The following PHF3 variants were observed in gnomAD, a reference collection of about 807,000 sequenced individuals.
PHF3 encodes PHD finger protein 3.
A neutral mutation model predicts 178.4 loss-of-function variants in PHF3; 41 were observed. The observed-to-expected ratio is 0.23, with a 90% CI of 0.18 to 0.30. PHF3 has a LOEUF of 0.30. PHF3 is among the 10% of genes least tolerant of loss of function. PHF3 has a pLI of 1.00. For synonymous variants in PHF3, 842 were observed against 800.5 expected, an observed-to-expected ratio of 1.05 and a Z score of -0.88; for missense variants, 2,346 against 2,398.1, an observed-to-expected ratio of 0.98 and a Z score of 0.45.
In PHF3 at chr6:63,680,599, T is replaced by G. The variant is rs901862021; in HGVS notation, c.406+438T>G. Among the ~76,000 whole-genome samples, 5 of 151,164 alleles carry G rather than the reference T, an allele frequency of 3.3e-5. No homozygotes were observed. The East Asian group carries it at 9.6e-4, about 29-fold the overall frequency. Reference sequence around the variant, plus strand: ...TTATGTTAGTATGAGTAATATGCTATTAGAGATGATACATTTAATAAACTA... The same window carrying G: ...TTATGTTAGTATGAGTAATATGCTAGTAGAGATGATACATTTAATAAACTA... On this transcript the variant is annotated intron_variant, in intron 3 of 15. Transcript: ENST00000262043.
Position 63,723,788 on chromosome 6 carries a change from CATTATTATT to C in PHF3, c.*10120_*10128del, listed in dbSNP as rs57873412. On this transcript the variant is annotated 3_prime_UTR_variant, in exon 16 of 16. Transcript: ENST00000262043. ...GTTATGGGTCATAAGTACACATTGG[CATTATTATT>C]ATTATTATTATTATTATTATTATTA... Among the ~76,000 whole-genome samples, 24,698 of 138,052 alleles carry C rather than the reference CATTATTATT, an allele frequency of 0.18. 2,285 individuals are homozygous for C. The highest frequency in any genetic ancestry group is 0.26 in the South Asian group (1,065 of 4,094). 90.6% of individuals were successfully genotyped at this position (138,052 alleles called of 152,430 possible).
intron 4 of PHF3, among the ~76,000 whole-genome samples, chr6:63,686,616 C>T (rs1458894550): frequency 6.6e-6 from 1 of 152,042 alleles, no homozygotes; most frequent in Non-Finnish European, 1.5e-5. Context: ...CCCTCAATCC[C>T]CAATGTGTTT....
intron 2 of PHF3, among the ~76,000 whole-genome samples, chr6:63,657,587 T>C (rs1223026253): frequency 1.3e-5 from 2 of 150,754 alleles, no homozygotes; most frequent in Non-Finnish European, 2.9e-5. Flanking sequence ...AAAAAAGTCT[T>C]CATCTTCATC....
At chr6:63,659,513 T>C (rs1765377576) in intron 2 of PHF3, among the ~76,000 whole-genome samples, 1 of 152,182 alleles carries the variant, frequency 6.6e-6, no homozygotes, top group Non-Finnish European at 1.5e-5. Flanking sequence ...TGTGTGGATG[T>C]TAATGTACCA....
chr6:63,638,731 T>C (rs1408751154), intron 1 of PHF3, among the ~76,000 whole-genome samples: 1 of 152,142 alleles, frequency 6.6e-6, no homozygotes. Context: ...TCTGTTTCTC[T>C]TATTTCTTCT....
Position 63,658,791 on chromosome 6 carries a change from T to C in PHF3, c.244+11996T>C, listed in dbSNP as rs189551578. ...AGAGAGAGAGGGAGAGATTGATTGA[T>C]TGATTTTAAGGAGTTGGCTTATGTG... On this transcript the variant is annotated intron_variant, in intron 2 of 15. Coordinates refer to ENST00000262043, the MANE Select transcript of PHF3 (RefSeq NM_001370348.2). 7.7e-4 allele frequency among the ~76,000 whole-genome samples: 117 copies of C among 151,234 alleles called. 1 individual carries two copies. Among genetic ancestry groups the C allele is most frequent in the Non-Finnish European group, 1.5e-3 (103 of 67,788 alleles).
At position 63,720,824 on chromosome 6, in the gene PHF3, A is replaced by G. The variant is rs1313678324; in HGVS notation, c.*7116A>G. The G allele has an allele frequency of 3.2e-6, 5 of 1,551,136 alleles. No individual in the cohort carries two copies. In the African/African-American group the frequency reaches 4.1e-5, roughly 13 times the overall value. On this transcript the variant is annotated 3_prime_UTR_variant, in exon 16 of 16. Transcript: ENST00000262043. ...CCACAAAGTTTTTATGTGGATCAAT[A>G]TCCTCGGAAAGAATTAGACTGTTAT...
chr6:63,671,411 C>T (rs1273581953), intron 2 of PHF3, among the ~76,000 whole-genome samples: 3 of 152,100 alleles, frequency 2.0e-5, no homozygotes, highest in Non-Finnish European at 2.9e-5. Flanking sequence ...TGGGAAGAAA[C>T]ACGATTACTT....
intron 2 of PHF3, among the ~76,000 whole-genome samples, chr6:63,666,702 T>G (rs984310084): frequency 6.6e-6 from 1 of 151,584 alleles, no homozygotes; most frequent in Non-Finnish European, 1.5e-5. Context: ...TAGGGAATAA[T>G]GACAAGAAAA....
chr6:63,706,426 G>A (rs1767695515), intron 12 of PHF3, among the ~76,000 whole-genome samples: 2 of 152,108 alleles, frequency 1.3e-5, no homozygotes, highest in African/African-American at 2.4e-5. Context: ...TGGAGCGTGT[G>A]GGGAAACAGC....
rs1037552882 is a variant in PHF3, at chr6:63,719,199, C to T, written c.*5491C>T. On this transcript the variant is annotated 3_prime_UTR_variant, in exon 16 of 16. Transcript: ENST00000262043. Reference sequence around the variant, plus strand: ...AGGTCCTTTTAGGAATGTCTGTAGCCTTTTGATTGGAATGGAGTGGCTAAA... The same window carrying T: ...AGGTCCTTTTAGGAATGTCTGTAGCTTTTTGATTGGAATGGAGTGGCTAAA... Among the ~76,000 whole-genome samples, 3 of 151,962 alleles carry T rather than the reference C, an allele frequency of 2.0e-5. No individual in the cohort carries two copies. The highest frequency in any genetic ancestry group is 7.2e-5 in the African/African-American group (3 of 41,426).
intron 3 of PHF3, among the ~76,000 whole-genome samples, chr6:63,682,492 A>G (rs1766482332): frequency 6.6e-6 from 1 of 152,152 alleles, no homozygotes; most frequent in South Asian, 2.1e-4. Flanking sequence ...ACTTTTCAAA[A>G]AATGTCCCGC....
In PHF3 at chr6:63,711,158, C is replaced by A; in HGVS notation, c.3802-9C>A. ...ACCTTAAACAATTATTTGTTATTTT[C>A]TTGAACAGGAAATTTGTGTGGTTCG... On this transcript the variant is annotated splice_polypyrimidine_tract_variant and intron_variant, in intron 14 of 15. Transcript: ENST00000262043. 1.9e-6 allele frequency: 3 copies of A among 1,569,066 alleles called. No individual in the cohort carries two copies. In the Middle Eastern group the frequency reaches 5.2e-4, roughly 270 times the overall value.
At chr6:63,681,673 A>G (rs1378781375) in intron 3 of PHF3, among the ~76,000 whole-genome samples, 1 of 152,054 alleles carries the variant, frequency 6.6e-6, no homozygotes, top group Non-Finnish European at 1.5e-5. Flanking sequence ...TGTCTTTATT[A>G]AGATACTAAT....
At position 63,698,560 on chromosome 6, in the gene PHF3, C is replaced by T. The variant is rs774726047; in HGVS notation, c.2937C>T (p.Asn979=). The change falls in exon 8 of 16, where the codon AAC becomes AAT. Residue 979 remains asparagine, a synonymous_variant. Coordinates refer to ENST00000262043, the MANE Select transcript of PHF3 (RefSeq NM_001370348.2). The part of the protein sequence containing the change: ...FFRDTDAKYK[N]KYRSLMFNLK... The stretch of plus-strand genomic sequence containing the variant: ...GGGACACAGATGCTAAATATAAGAA[C>T]AAATATAGAAGTTTGATGTTTAATT... 1 of 1,588,386 alleles carries T rather than the reference C, an allele frequency of 6.3e-7. No individual in the cohort carries two copies. Among genetic ancestry groups the T allele is most frequent in the Non-Finnish European group, 8.5e-7 (1 of 1,170,978 alleles).
Position 63,716,896 on chromosome 6 carries a change from T to C in PHF3, c.*3188T>C, listed in dbSNP as rs1561991430. ...ATGTTCCTATTTTCAGGTCAGCTGA[T>C]GAGCAACTTAAATTCCATCTGTGAC... On this transcript the variant is annotated 3_prime_UTR_variant, in exon 16 of 16. Coordinates refer to ENST00000262043, the MANE Select transcript of PHF3 (RefSeq NM_001370348.2). Among the ~76,000 whole-genome samples the C allele has an allele frequency of 6.6e-6, 1 of 152,058 alleles. No homozygotes were observed. The highest frequency in any genetic ancestry group is 1.5e-5 in the Non-Finnish European group (1 of 67,974).
intron 9 of PHF3, among the ~76,000 whole-genome samples, chr6:63,700,684 A>T (rs866924729): frequency 6.6e-6 from 1 of 152,124 alleles, no homozygotes; most frequent in Non-Finnish European, 1.5e-5. Context: ...CCTGGGTTCA[A>T]GTGATTCTCC....
At position 63,678,041 on chromosome 6, in the gene PHF3, G is replaced by A. The variant is rs979005610; in HGVS notation, c.245-1959G>A. 3.3e-5 allele frequency among the ~76,000 whole-genome samples: 5 copies of A among 151,962 alleles called. No individual in the cohort carries two copies. The East Asian group carries it at 7.7e-4, about 24-fold the overall frequency. On this transcript the variant is annotated intron_variant, in intron 2 of 15. Transcript: ENST00000262043. ...AGTTCGAGACCAGCCTGGCCAACAT[G>A]GCTAAACCCCGTCTCTACTAAAAAT... is the stretch of plus-strand genomic sequence containing the variant.
At chr6:63,702,855 T>G (rs1308755950) in intron 10 of PHF3, among the ~76,000 whole-genome samples, 1 of 151,404 alleles carries the variant, frequency 6.6e-6, no homozygotes, top group Non-Finnish European at 1.5e-5. Context: ...TGTAGATTCC[T>G]GGAGTGCTCT....
Sources: allele counts gnomAD v4.1 joint callset (sites outside exome capture counted in the v4.1 genomes callset), GRCh38; gene constraint gnomAD v4.1.1; transcripts MANE v1.5; gene names NCBI Gene and HGNC (gene_info 2026-07-23, HGNC 2026-07-21).